Variants in DCHS2 observed in about 807,000 individuals in gnomAD.
DCHS2 encodes protocadherin-23.
In DCHS2, 142 loss-of-function variants were observed where a neutral mutation model predicts 182.4. That is an observed-to-expected ratio of 0.78 (90% CI 0.68 to 0.89). The LOEUF (loss-of-function observed/expected upper bound fraction) is 0.89, where lower values mean the gene tolerates loss of function less well. Among genes scored for constraint, DCHS2 ranks in the 40% least tolerant of loss-of-function variants. The pLI is 0.00. For synonymous variants in DCHS2, 1,740 were observed against 1,663.3 expected, an observed-to-expected ratio of 1.05 and a Z score of -1.12; for missense variants, 4,319 against 4,198.6, an observed-to-expected ratio of 1.03 and a Z score of -0.79.
At chr4:154,253,217 CTGTG>C (rs1732473895) in intron 16 of DCHS2, among the ~76,000 whole-genome samples, 1 of 150,074 alleles carries the variant, frequency 6.7e-6, no homozygotes, top group South Asian at 2.1e-4. Flanking sequence ...GTGTTGTTAC[CTGTG>C]TGTATCTCTC....
At chr4:154,240,306 CT>C (rs1281324297) in intron 18 of DCHS2, among the ~76,000 whole-genome samples, 1 of 44,322 alleles carries the variant, frequency 2.3e-5, no homozygotes, top group Non-Finnish European at 6.8e-5. Context: ...CCTCTAAAAA[CT>C]AAAAAAAAAA....
intron 10 of DCHS2, among the ~76,000 whole-genome samples, chr4:154,305,529 C>T (rs909282229): frequency 3.3e-5 from 5 of 152,140 alleles, no homozygotes; most frequent in Non-Finnish European, 7.4e-5. Flanking sequence ...CAACATATTC[C>T]TAATTACTCC....
intron 1 of DCHS2, among the ~76,000 whole-genome samples, chr4:154,440,059 C>A (rs1733935573): frequency 1.3e-5 from 2 of 152,170 alleles, no homozygotes; most frequent in Admixed American, 6.5e-5. Context: ...CACCTTCTGG[C>A]AAAGTTAACT....
In DCHS2 at chr4:154,377,276, G is replaced by T. The variant is rs751295104; in HGVS notation, c.2221C>A (p.Leu741Ile). The stretch of plus-strand genomic sequence containing the variant: ...ACCCCATCCTTAGCTTCCACCAGGA[G>T]ATCATAGGTAGCTGGATCCCTTTCC... ...DRERDPATYDLLVEAKDGGGL... is the reference protein window; with the variant it reads ...DRERDPATYDILVEAKDGGGL... Residue 741 changes from leucine to isoleucine, a missense_variant, in exon 2 of 20, where the codon CTC becomes ATC. Transcript: ENST00000357232. 2.5e-6 allele frequency: 4 copies of T among 1,613,226 alleles called. No homozygotes were observed. Among genetic ancestry groups the T allele is most frequent in the Non-Finnish European group, 3.4e-6 (4 of 1,179,466 alleles).
At chr4:154,257,342 A>G (rs374518682) in intron 15 of DCHS2, among the ~76,000 whole-genome samples, 1 of 152,128 alleles carries the variant, frequency 6.6e-6, no homozygotes, top group African/African-American at 2.4e-5. Context: ...CCAACCGGGG[A>G]GAGATGTATC....
At chr4:154,452,752 G>T (rs910309597) in intron 1 of DCHS2, among the ~76,000 whole-genome samples, 2 of 152,040 alleles carry the variant, frequency 1.3e-5, no homozygotes, top group African/African-American at 4.8e-5. Flanking sequence ...AACTAAGAAG[G>T]ATCTACATAA....
In DCHS2 at chr4:154,237,177, G is replaced by T. The variant is rs765544065; in HGVS notation, c.7493-18C>A. ...TATTGTGCCTGAAAAATAAGACATA[G>T]TATTTCAACACTGTGAGGTGCAGTT... On this transcript the variant is annotated intron_variant, in intron 19 of 19. Transcript: ENST00000357232. 4 of 1,589,316 alleles carry T rather than the reference G, an allele frequency of 2.5e-6. No individual in the cohort carries two copies. Among genetic ancestry groups the T allele is most frequent in the Non-Finnish European group, 1.7e-6 (2 of 1,170,836 alleles).
At chr4:154,465,573 G>A (rs1334155191) in intron 1 of DCHS2, among the ~76,000 whole-genome samples, 2 of 152,006 alleles carry the variant, frequency 1.3e-5, no homozygotes, top group African/African-American at 4.8e-5. Context: ...GGAGGCTGAG[G>A]TAGGAGAATT....
At chr4:154,478,922 G>A (rs1261336232) in intron 1 of DCHS2, among the ~76,000 whole-genome samples, 1 of 152,082 alleles carries the variant, frequency 6.6e-6, no homozygotes, top group Non-Finnish European at 1.5e-5. Context: ...CATACACAAT[G>A]TCCGGAATAC....
intron 1 of DCHS2, among the ~76,000 whole-genome samples, chr4:154,422,863 G>A (rs78541120): frequency 3.0e-4 from 46 of 152,196 alleles, no homozygotes; most frequent in Non-Finnish European, 5.6e-4. Context: ...CAATTCCCAC[G>A]CATTCACCAA....
At chr4:154,264,006 C>T (rs566624855) in intron 14 of DCHS2, among the ~76,000 whole-genome samples, 3 of 152,012 alleles carry the variant, frequency 2.0e-5, no homozygotes, top group Admixed American at 1.3e-4. Flanking sequence ...AAAAATCTTC[C>T]GTATTAGTTT....
chr4:154,421,253 T>C (rs1733096807), intron 1 of DCHS2, among the ~76,000 whole-genome samples: 1 of 152,162 alleles, frequency 6.6e-6, no homozygotes, highest in South Asian at 2.1e-4. Flanking sequence ...TAACAAAAAG[T>C]AAAAGGTCAG....
chr4:154,384,253 T>C, intron 1 of DCHS2: 2 of 1,460,570 alleles, frequency 1.4e-6, no homozygotes, highest in Non-Finnish European at 1.8e-6. Context: ...GATCTTTATT[T>C]TCTGAATTAT....
chr4:154,437,837 G>T (rs1382501896), intron 1 of DCHS2, among the ~76,000 whole-genome samples: 1 of 152,020 alleles, frequency 6.6e-6, no homozygotes, highest in Non-Finnish European at 1.5e-5. Flanking sequence ...TTTTCTTAGA[G>T]GCTAAACAGT....
intron 9 of DCHS2, among the ~76,000 whole-genome samples, chr4:154,318,672 A>G (rs1418154087): frequency 6.6e-6 from 1 of 152,132 alleles, no homozygotes; most frequent in Admixed American, 6.6e-5. Flanking sequence ...TACATATTGA[A>G]AGCCACAAAA....
At chr4:154,381,181 C>T (rs1447962422) in intron 1 of DCHS2, among the ~76,000 whole-genome samples, 2 of 152,088 alleles carry the variant, frequency 1.3e-5, no homozygotes, top group Non-Finnish European at 2.9e-5. Context: ...GTTCTTCATC[C>T]TAATCTCAAT....
intron 1 of DCHS2, among the ~76,000 whole-genome samples, chr4:154,382,495 G>T (rs1731214201): frequency 6.6e-6 from 1 of 151,906 alleles, no homozygotes; most frequent in African/African-American, 2.4e-5. Flanking sequence ...TTGACAAGTG[G>T]AATCGAATTA....
intron 1 of DCHS2, among the ~76,000 whole-genome samples, chr4:154,383,712 G>A (rs1339859968): frequency 6.6e-6 from 1 of 151,968 alleles, no homozygotes; most frequent in Admixed American, 6.6e-5. Context: ...TCAGTGGTCA[G>A]TCCAGCCATT....
chr4:154,351,667 G>C (rs1456941666), intron 3 of DCHS2, among the ~76,000 whole-genome samples: 1 of 152,150 alleles, frequency 6.6e-6, no homozygotes, highest in Non-Finnish European at 1.5e-5. Context: ...ATGGTTTCAG[G>C]ATAAAAGTGG....
Sources: allele counts gnomAD v4.1 joint callset (sites outside exome capture counted in the v4.1 genomes callset), GRCh38; gene constraint gnomAD v4.1.1; transcripts MANE v1.5; gene names NCBI Gene and HGNC (gene_info 2026-07-23, HGNC 2026-07-21).